NMT2: variants seen among roughly 807,000 people sequenced by gnomAD.
NMT2 encodes N-myristoyltransferase 2.
A neutral mutation model predicts 65.4 loss-of-function variants in NMT2; 35 were observed. The ratio of observed to expected loss-of-function variants is 0.54; its 90% confidence interval spans 0.41 to 0.71. The LOEUF is 0.71. Ranked by LOEUF, NMT2 falls within the 30% of genes least tolerant of loss-of-function variation. NMT2 has a pLI of 0.00. For synonymous variants in NMT2, 226 were observed against 231.8 expected, an observed-to-expected ratio of 0.98 and a Z score of 0.23; for missense variants, 489 against 611.3, an observed-to-expected ratio of 0.80 and a Z score of 2.11.
chr10:15,140,646 G>A (rs1188427541), intron 2 of NMT2, among the ~76,000 whole-genome samples: 2 of 151,964 alleles, frequency 1.3e-5, no homozygotes, highest in Admixed American at 1.3e-4. Flanking sequence ...GCCTCCCAAA[G>A]TGCTGGGACT....
chr10:15,168,263 A>C, intron 1 of NMT2: 3 of 406,892 alleles, frequency 7.4e-6, no homozygotes, highest in Non-Finnish European at 1.3e-5. Flanking sequence ...AAGTGACAGT[A>C]GCGTCTCCCC....
At chr10:15,114,312 A>C (rs1162855103) in intron 9 of NMT2, among the ~76,000 whole-genome samples, 4 of 152,182 alleles carry the variant, frequency 2.6e-5, no homozygotes, top group Non-Finnish European at 5.9e-5. Context: ...ACTTCTTCAC[A>C]TTCATATTGC....
chr10:15,132,770 T>C (rs1846328028), intron 6 of NMT2, 47 bp downstream of exon 6: 1 of 1,367,786 alleles, frequency 7.3e-7, no homozygotes, highest in Non-Finnish European at 1.0e-6. Context: ...TTGTAATTCT[T>C]AGAAAATAAA....
intron 6 of NMT2, among the ~76,000 whole-genome samples, chr10:15,132,436 A>T (rs547196013): frequency 1.1e-4 from 16 of 151,394 alleles, no homozygotes; most frequent in African/African-American, 3.2e-4. Context: ...TTTTATTTTT[A>T]TTTTTTTTGA....
chr10:15,123,001 T>G (rs1404225628), intron 8 of NMT2, among the ~76,000 whole-genome samples: 19 of 152,172 alleles, frequency 1.2e-4, no homozygotes, highest in Non-Finnish European at 4.4e-5. Flanking sequence ...GGGCCACACT[T>G]TGAGAACTGC....
At position 15,130,216 on chromosome 10, in the gene NMT2, T is replaced by C; in HGVS notation, c.816A>G (p.Arg272=). ...APVLIREITR[R]VNLEGIFQAV... ...CCTGGAAGATCCCTTCCAGGTTCAC[T>C]CTTCTAGTGATCTCTCGGATTAGCA... The change falls in exon 7 of 12, where the codon AGA becomes AGG. Residue 272 remains arginine, a synonymous_variant. Coordinates refer to ENST00000378165, the MANE Select transcript of NMT2 (RefSeq NM_004808.3). 6.2e-7 allele frequency: 1 copy of C among 1,609,004 alleles called. No individual in the cohort carries two copies. Among genetic ancestry groups the C allele is most frequent in the Non-Finnish European group, 8.5e-7 (1 of 1,177,306 alleles).
chr10:15,119,493 C>G lies in NMT2; in HGVS notation c.1020G>C (p.Leu340Phe). Residue 340 changes from leucine to phenylalanine, a missense_variant, in exon 9 of 12, where the codon TTG (leucine) becomes TTC (phenylalanine). Leu to Phe is a conservative substitution (Grantham distance 22). Coordinates refer to ENST00000378165, the MANE Select transcript of NMT2 (RefSeq NM_004808.3). ...RLPDVTKTSG[L>F]RPMEPKDIKS... ...TGATATCTTTTGGTTCCATTGGTCTCAAACCTGAAGTCTTTGTAACCTTGT... is the reference window on the plus strand; with the variant it reads ...TGATATCTTTTGGTTCCATTGGTCTGAAACCTGAAGTCTTTGTAACCTTGT... 4 of 1,613,968 alleles carry G rather than the reference C, an allele frequency of 2.5e-6. No individual in the cohort carries two copies. Among genetic ancestry groups the G allele is most frequent in the Non-Finnish European group, 3.4e-6 (4 of 1,179,986 alleles).
At chr10:15,162,857 T>C (rs1210046889) in intron 1 of NMT2, among the ~76,000 whole-genome samples, 1 of 148,406 alleles carries the variant, frequency 6.7e-6, no homozygotes, top group African/African-American at 2.4e-5. Context: ...TTGATATTTA[T>C]ATATCTATAT....
At chr10:15,147,081 G>A (rs1281340607) in intron 1 of NMT2, among the ~76,000 whole-genome samples, 2 of 95,242 alleles carry the variant, frequency 2.1e-5, no homozygotes, top group South Asian at 3.9e-4. Flanking sequence ...AACAGCGAAA[G>A]ATCCTCTCGC....
intron 1 of NMT2, among the ~76,000 whole-genome samples, chr10:15,167,468 T>C (rs927066261): frequency 2.6e-5 from 4 of 152,196 alleles, no homozygotes; most frequent in African/African-American, 9.6e-5. Flanking sequence ...GGCCTCCCTA[T>C]CATGTTTTTT....
Position 15,106,713 on chromosome 10 carries a change from A to C in NMT2, c.*2482T>G. On this transcript the variant is annotated 3_prime_UTR_variant, in exon 12 of 12. Coordinates refer to ENST00000378165, the MANE Select transcript of NMT2 (RefSeq NM_004808.3). ...CAACAAACTTTCTGTAAAAGACCAG[A>C]GAGTGAATATCTTAGGCTTTGCAGG... 1.1e-6 allele frequency: 1 copy of C among 928,900 alleles called. No individual in the cohort carries two copies. Among genetic ancestry groups the C allele is most frequent in the Non-Finnish European group, 1.3e-6 (1 of 778,392 alleles). The allele number at this position is 928,900 out of a possible 1,614,324, so 57.5% of individuals were successfully genotyped here. A position where few individuals can be genotyped will look rare whatever the true frequency, so the allele number is the denominator to read the frequency against.
chr10:15,138,878 CTGAG>C lies in NMT2; in HGVS notation c.246+2540_246+2543del, dbSNP rs545247364. On this transcript the variant is annotated intron_variant, in intron 2 of 11. Coordinates refer to ENST00000378165, the MANE Select transcript of NMT2 (RefSeq NM_004808.3). ...AAATTCCCTACTGTGATGGTTACTA[CTGAG>C]TGTCAACTTGATTGGATTGAAGGAT... 4.4e-3 allele frequency among the ~76,000 whole-genome samples: 664 copies of C among 152,312 alleles called. 3 individuals are homozygous for C. Among genetic ancestry groups the C allele is most frequent in the Non-Finnish European group, 7.0e-3 (477 of 68,034 alleles).
At chr10:15,162,334 G>A (rs1238603759) in intron 1 of NMT2, among the ~76,000 whole-genome samples, 2 of 151,022 alleles carry the variant, frequency 1.3e-5, no homozygotes, top group Non-Finnish European at 1.5e-5. Context: ...ACCAAAGACA[G>A]GAAATAAAAT....
chr10:15,154,931 C>T (rs770810862), intron 1 of NMT2: 3 of 1,011,774 alleles, frequency 3.0e-6, no homozygotes, highest in South Asian at 2.5e-5. Context: ...TGCCATCCAA[C>T]CACTCGGTCT....
At chr10:15,134,010 A>G (rs538830514) in intron 3 of NMT2, among the ~76,000 whole-genome samples, 2 of 152,276 alleles carry the variant, frequency 1.3e-5, no homozygotes, top group Admixed American at 1.3e-4. Flanking sequence ...ACACTGTCAT[A>G]AGCAATGTAG....
At chr10:15,143,027 T>G (rs573429074) in intron 1 of NMT2, among the ~76,000 whole-genome samples, 4 of 152,342 alleles carry the variant, frequency 2.6e-5, no homozygotes, top group Non-Finnish European at 5.9e-5. Context: ...AAGTCTATTC[T>G]TAATTGCGTC....
rs144521863 is a variant in NMT2 at position 15,141,477 on chromosome 10, G to A, written c.191C>T (p.Thr64Ile). 6.2e-7 allele frequency: 1 copy of A among 1,614,222 alleles called. No individual in the cohort carries two copies. Among genetic ancestry groups the A allele is most frequent in the Non-Finnish European group, 8.5e-7 (1 of 1,180,048 alleles). The change falls in exon 2 of 12, where the codon ACC (threonine) becomes ATC (isoleucine). Residue 64 changes from threonine to isoleucine, a missense_variant. Thr to Ile is a moderately conservative substitution (Grantham distance 89). Coordinates refer to ENST00000378165, the MANE Select transcript of NMT2 (RefSeq NM_004808.3). Reference sequence around the variant, plus strand: ...GGAATCAGATGCCGAGTCTGACTTGGTGCCTCCGGAATTTGGTTTCTCCTT... The same window carrying A: ...GGAATCAGATGCCGAGTCTGACTTGATGCCTCCGGAATTTGGTTTCTCCTT... ...RKKEKPNSGGTKSDSASDSQE... is the reference protein window; with the variant it reads ...RKKEKPNSGGIKSDSASDSQE...
intron 8 of NMT2, among the ~76,000 whole-genome samples, chr10:15,124,765 C>T (rs1364312640): frequency 6.6e-6 from 1 of 152,142 alleles, no homozygotes; most frequent in African/African-American, 2.4e-5. Context: ...AGGCAGACAC[C>T]CAAGGGACTG....
At chr10:15,133,402 G>C (rs1409588415) in intron 3 of NMT2, 39 bp from the exon 4 acceptor site, 1 of 1,464,120 alleles carries the variant, frequency 6.8e-7, no homozygotes, top group East Asian at 2.3e-5. Context: ...AAGGCAAAAA[G>C]CGAGAATATT....
Sources: gnomAD v4.1 joint callset for allele counts (sites outside exome capture counted in the v4.1 genomes callset) on GRCh38, gnomAD v4.1.1 for gene constraint, MANE v1.5 for transcripts, NCBI Gene and HGNC (gene_info 2026-07-23, HGNC 2026-07-21) for gene names.